Variants in PARVB observed in about 807,000 individuals in gnomAD.
PARVB encodes the protein parvin beta, also known as beta-parvin.
Under a neutral mutation model 47.0 loss-of-function variants are expected in PARVB, and 46 were observed. The observed-to-expected ratio is 0.98, with a 90% CI of 0.77 to 1.25. The LOEUF is 1.25. Ranked by LOEUF, PARVB falls within the 50% of genes most tolerant of loss-of-function variation. The pLI, the probability that PARVB is intolerant of heterozygous loss-of-function variation, is 0.00. For missense variants in PARVB, 473 were observed against 471.6 expected, an observed-to-expected ratio of 1.00 and a Z score of -0.03; for synonymous variants, 196 against 196.3, an observed-to-expected ratio of 1.00 and a Z score of 0.01.
At chr22:44,094,730 G>C (rs2052258059) in intron 2 of PARVB, among the ~76,000 whole-genome samples, 1 of 151,704 alleles carries the variant, frequency 6.6e-6, no homozygotes, top group African/African-American at 2.4e-5. Flanking sequence ...GGCTCAAGCA[G>C]TTCTCCTGCC....
chr22:44,087,056 G>A (rs1253912917), intron 1 of PARVB: 2 of 153,210 alleles, frequency 1.3e-5, no homozygotes, highest in African/African-American at 4.8e-5. Flanking sequence ...TCTTTGAGCA[G>A]GATCAGTTGT....
At chr22:44,024,485 G>T in intron 1 of PARVB, 34 bp downstream of exon 1, 1 of 1,097,664 alleles carries the variant, frequency 9.1e-7, no homozygotes, top group South Asian at 3.9e-5. Context: ...GACCCCCGGG[G>T]ACCTGCCCGG....
chr22:44,168,478 T>C (rs2054221789), intron 12 of PARVB, 124 bp from the exon 13 acceptor site: 6 of 701,318 alleles, frequency 8.6e-6, no homozygotes, highest in South Asian at 1.6e-5. Context: ...GGCCAGTCTT[T>C]AAGGGGAAGC....
intron 6 of PARVB, among the ~76,000 whole-genome samples, chr22:44,133,759 A>G (rs1396367466): frequency 6.6e-6 from 1 of 152,046 alleles, no homozygotes; most frequent in East Asian, 1.9e-4. Flanking sequence ...CTGGTCTCGA[A>G]GTCCTGGGCT....
chr22:44,055,325 A>C (rs981846584), intron 1 of PARVB, among the ~76,000 whole-genome samples: 45 of 151,604 alleles, frequency 3.0e-4, no homozygotes, highest in Admixed American at 1.4e-3. Context: ...AACCAATGGG[A>C]GATATGTAGC....
At chr22:44,070,600 G>C (rs1189839296) in intron 1 of PARVB, among the ~76,000 whole-genome samples, 1 of 152,172 alleles carries the variant, frequency 6.6e-6, no homozygotes, top group African/African-American at 2.4e-5. Flanking sequence ...GATATTTCTA[G>C]AGGAGAAACC....
chr22:44,157,949 C>T (rs1205751010), intron 10 of PARVB, 33 bp from the exon 11 acceptor site: 1 of 1,526,270 alleles, frequency 6.6e-7, no homozygotes, highest in East Asian at 2.3e-5. Context: ...ACTCCTTACC[C>T]TGCCCGGAAA....
chr22:44,093,580 G>A (rs1055290110), intron 1 of PARVB, among the ~76,000 whole-genome samples: 6 of 152,190 alleles, frequency 3.9e-5, no homozygotes, highest in South Asian at 2.1e-4. Flanking sequence ...ATGCCCCATC[G>A]CTGTGGTCCA....
intron 6 of PARVB, among the ~76,000 whole-genome samples, chr22:44,134,195 G>A (rs145449275): frequency 2.1e-4 from 32 of 152,260 alleles, no homozygotes; most frequent in African/African-American, 6.3e-4. Flanking sequence ...AGTCTTGACC[G>A]GACGGGAATG....
intron 4 of PARVB, among the ~76,000 whole-genome samples, chr22:44,128,899 G>A (rs1189567822): frequency 2.6e-5 from 4 of 152,284 alleles, no homozygotes; most frequent in Non-Finnish European, 4.4e-5. Flanking sequence ...TCAACATGGT[G>A]AAACCCTGCC....
At chr22:44,101,754 A>G (rs2052453625) in intron 3 of PARVB, among the ~76,000 whole-genome samples, 1 of 148,534 alleles carries the variant, frequency 6.7e-6, no homozygotes, top group South Asian at 2.1e-4. Context: ...ATCTCACAGA[A>G]AAAAAAAAAA....
upstream of PARVB, among the ~76,000 whole-genome samples, chr22:44,021,804 C>A (rs753154174): frequency 2.0e-3 from 279 of 140,416 alleles, 2 homozygotes; most frequent in Admixed American, 5.1e-3. Flanking sequence ...CACACACACA[C>A]ACACACACAC....
intron 5 of PARVB, 64 bp from the exon 6 acceptor site, chr22:44,132,830 C>A: frequency 9.6e-7 from 1 of 1,037,014 alleles, no homozygotes; most frequent in Admixed American, 1.8e-5. Flanking sequence ...TTGCCTTCTG[C>A]ACGTGGGCTC....
chr22:44,034,953 C>T (rs944848495), intron 1 of PARVB, among the ~76,000 whole-genome samples: 9 of 151,984 alleles, frequency 5.9e-5, no homozygotes, highest in African/African-American at 9.7e-5. Flanking sequence ...TCAGTTGATC[C>T]GCTCACCTCA....
chr22:44,147,306 T>A (rs1601681257), intron 8 of PARVB: 1 of 221,914 alleles, frequency 4.5e-6, no homozygotes, highest in Non-Finnish European at 9.3e-6. Context: ...GTGGTGGGAG[T>A]GGAGGGGGGA....
At chr22:44,167,458 C>T (rs1013347404) in intron 12 of PARVB, among the ~76,000 whole-genome samples, 8 of 152,102 alleles carry the variant, frequency 5.3e-5, no homozygotes, top group African/African-American at 1.9e-4. Flanking sequence ...GTGGGGGCAT[C>T]GGTGTCAGGC....
chr22:44,009,964 G>A (rs1041220016), intron 2 of PARVB, among the ~76,000 whole-genome samples: 1 of 151,654 alleles, frequency 6.6e-6, no homozygotes, highest in Non-Finnish European at 1.5e-5. Flanking sequence ...CCACCTCCAC[G>A]CCCAGCTAAT....
At chr22:44,051,204 G>A (rs1213192746) in intron 1 of PARVB, among the ~76,000 whole-genome samples, 1 of 152,226 alleles carries the variant, frequency 6.6e-6, no homozygotes, top group African/African-American at 2.4e-5. Flanking sequence ...CAGGTGCCAT[G>A]CCGTCAAAGA....
At chr22:44,163,610 T>C (rs376885700) in intron 11 of PARVB, among the ~76,000 whole-genome samples, 16 of 152,332 alleles carry the variant, frequency 1.1e-4, no homozygotes, top group Admixed American at 7.2e-4. Flanking sequence ...GGGCACCTCA[T>C]CCTTCCATCT....
Sources: gnomAD v4.1 joint callset for allele counts (sites outside exome capture counted in the v4.1 genomes callset) on GRCh38, gnomAD v4.1.1 for gene constraint, MANE v1.5 for transcripts, NCBI Gene and HGNC (gene_info 2026-07-23, HGNC 2026-07-21) for gene names.